Variants in ERBIN observed in about 807,000 individuals in gnomAD.
ERBIN encodes densin-180-like protein.
In ERBIN, 60 loss-of-function variants were observed where a neutral mutation model predicts 158.4. The observed-to-expected ratio is 0.38, with a 90% confidence interval of 0.31 to 0.47. The LOEUF (loss-of-function observed/expected upper bound fraction) is 0.47. ERBIN is among the 20% of genes least tolerant of loss of function. The pLI, the probability that ERBIN is intolerant of heterozygous loss-of-function variation, is 0.99. For missense variants in ERBIN, 1,610 were observed against 1,648.0 expected (o/e 0.98, Z 0.40); for synonymous variants, 594 against 557.2 (o/e 1.07, Z -0.93).
At chr5:65,942,900 TC>T (rs1207341582) in intron 1 of ERBIN, among the ~76,000 whole-genome samples, 1 of 117,440 alleles carries the variant, frequency 8.5e-6, no homozygotes, top group African/African-American at 3.7e-5. Flanking sequence ...AGAGCGAGAC[TC>T]CGTCTCCAAA....
At chr5:65,953,819 A>G (rs934309186) in intron 1 of ERBIN, among the ~76,000 whole-genome samples, 2 of 152,218 alleles carry the variant, frequency 1.3e-5, no homozygotes, top group African/African-American at 4.8e-5. Flanking sequence ...ATAAGCCAAC[A>G]CATCTCATAT....
In ERBIN at chr5:66,079,345, C is replaced by A. The variant is rs1372745719; in HGVS notation, c.*815C>A. On this transcript the variant is annotated 3_prime_UTR_variant, in exon 26 of 26. Coordinates refer to ENST00000284037, the MANE Select transcript of ERBIN (RefSeq NM_001253697.2). ...ACTCTACTGTAGATGCATGTCCATGCATTTTCTGTGTTATGGAAATCCACT... is the reference window on the plus strand; with the variant it reads ...ACTCTACTGTAGATGCATGTCCATGAATTTTCTGTGTTATGGAAATCCACT... The A allele has an allele frequency of 6.7e-6, 1 of 149,414 alleles. No individual in the cohort carries two copies. The highest frequency in any genetic ancestry group is 2.5e-5 in the African/African-American group (1 of 40,640). 9.3% of individuals were successfully genotyped at this position (149,414 alleles called of 1,614,324 possible).
intron 1 of ERBIN, among the ~76,000 whole-genome samples, chr5:65,985,148 C>T (rs1248553460): frequency 6.6e-6 from 1 of 152,204 alleles, no homozygotes; most frequent in Non-Finnish European, 1.5e-5. Context: ...GGCTGGAGTG[C>T]AGTGGCGCAA....
chr5:65,939,116 T>C (rs1020048160), intron 1 of ERBIN, among the ~76,000 whole-genome samples: 3 of 152,106 alleles, frequency 2.0e-5, no homozygotes, highest in Admixed American at 2.0e-4. Flanking sequence ...CAATCATGAA[T>C]TGAAAATAAT....
At chr5:66,062,477 A>C (rs1161879149) in intron 21 of ERBIN, among the ~76,000 whole-genome samples, 4 of 151,886 alleles carry the variant, frequency 2.6e-5, no homozygotes, top group African/African-American at 9.7e-5. Context: ...CTTCTTTGCC[A>C]TTGGTTTGAA....
At chr5:65,965,767 C>G (rs1035522255) in intron 1 of ERBIN, among the ~76,000 whole-genome samples, 1 of 152,112 alleles carries the variant, frequency 6.6e-6, no homozygotes, top group African/African-American at 2.4e-5. Context: ...CCTCTGATTC[C>G]TCTCCCCTTA....
rs926652521 is a variant in ERBIN, at chr5:66,028,118, T to A, written c.1137-156T>A. 2.6e-5 allele frequency among the ~76,000 whole-genome samples: 4 copies of A among 152,120 alleles called. No individual in the cohort carries two copies. The South Asian group carries it at 8.3e-4, about 31-fold the overall frequency. ...ACTAGATATTTTGTTTTATGTCCTA[T>A]ACGAAGAATTATATTGGACTTTTCT... On this transcript the variant is annotated intron_variant, in intron 13 of 25. Coordinates refer to ENST00000284037, the MANE Select transcript of ERBIN (RefSeq NM_001253697.2).
At chr5:65,993,243 T>C (rs1007914185) in intron 3 of ERBIN, among the ~76,000 whole-genome samples, 2 of 152,244 alleles carry the variant, frequency 1.3e-5, no homozygotes, top group African/African-American at 4.8e-5. Context: ...TGCTGTCTTT[T>C]CCTACTTTTC....
At chr5:66,039,750 T>G (rs1757754428) in intron 15 of ERBIN, among the ~76,000 whole-genome samples, 1 of 151,934 alleles carries the variant, frequency 6.6e-6, no homozygotes, top group Non-Finnish European at 1.5e-5. Context: ...ATTTGGAGAT[T>G]ATGGGTGAAT....
intron 7 of ERBIN, among the ~76,000 whole-genome samples, chr5:66,016,487 C>G (rs1754732855): frequency 6.6e-6 from 1 of 152,082 alleles, no homozygotes; most frequent in African/African-American, 2.4e-5. Flanking sequence ...AATTTACTGT[C>G]TTTACCATTT....
intron 4 of ERBIN, among the ~76,000 whole-genome samples, chr5:66,009,837 G>T (rs1293262307): frequency 6.6e-6 from 1 of 152,056 alleles, no homozygotes; most frequent in African/African-American, 2.4e-5. Context: ...AAGAATAAAT[G>T]ATACAAAGCT....
At position 66,025,949 on chromosome 5, in the gene ERBIN, A is replaced by G; in HGVS notation, c.992A>G (p.His331Arg). Residue 331 changes from histidine (H) to arginine (R), a missense_variant, in exon 12 of 26, where the codon CAT becomes CGT. His to Arg is a conservative substitution (Grantham distance 29, BLOSUM62 0). This residue lies in a region of ERBIN where 596 missense variants were observed against 711.9 expected (regional missense o/e 0.84). Coordinates refer to ENST00000284037, the MANE Select transcript of ERBIN (RefSeq NM_001253697.2). ...LTNLRTFAAD[H>R]NYLQQLPPEI... Reference sequence around the variant, plus strand: ...AACTTAAGAACTTTTGCTGCTGATCATAATTACTTACAGCAGTTGCCCCCA... The same window carrying G: ...AACTTAAGAACTTTTGCTGCTGATCGTAATTACTTACAGCAGTTGCCCCCA... 3 of 1,590,560 alleles carry G rather than the reference A, an allele frequency of 1.9e-6. No individual in the cohort carries two copies. The highest frequency in any genetic ancestry group is 2.6e-6 in the Non-Finnish European group (3 of 1,170,790).
In ERBIN at chr5:66,081,115, A is replaced by G. The variant is rs920619887; in HGVS notation, c.*2585A>G. On this transcript the variant is annotated 3_prime_UTR_variant, in exon 26 of 26. Coordinates refer to ENST00000284037, the MANE Select transcript of ERBIN (RefSeq NM_001253697.2). ...TAACTTTAGTAAGTATTATATAGCA[A>G]TTCATCAAAACCACAACTGTCTTTT... 2 of 152,018 alleles carry G rather than the reference A, an allele frequency of 1.3e-5. No homozygotes were observed. The highest frequency in any genetic ancestry group is 4.8e-5 in the African/African-American group (2 of 41,448). The allele number at this position is 152,018 out of a possible 1,614,324, so 9.4% of individuals were successfully genotyped here.
At chr5:65,969,050 G>T (rs537411337) in intron 1 of ERBIN, among the ~76,000 whole-genome samples, 1 of 152,246 alleles carries the variant, frequency 6.6e-6, no homozygotes, top group Admixed American at 6.5e-5. Context: ...ATAAGTGAAT[G>T]AGAGTTAGTA....
chr5:66,051,432 C>T (rs1188053729), intron 20 of ERBIN, among the ~76,000 whole-genome samples: 1 of 152,054 alleles, frequency 6.6e-6, no homozygotes, highest in Non-Finnish European at 1.5e-5. Context: ...TGGAATTTAG[C>T]TGAAGTCTAA....
chr5:65,957,497 T>C lies in ERBIN; in HGVS notation c.-58+30691T>C, dbSNP rs577398956. On this transcript the variant is annotated intron_variant, in intron 1 of 25. Coordinates refer to ENST00000284037, the MANE Select transcript of ERBIN (RefSeq NM_001253697.2). ...CGCCCTTAATCCATTTAACCCTGAG[T>C]AGACACAGCACGTTTCAGAGAGCAC... 2.6e-5 allele frequency among the ~76,000 whole-genome samples: 4 copies of C among 152,196 alleles called. No homozygotes were observed. In the East Asian group the frequency reaches 7.7e-4, roughly 29 times the overall value.
intron 1 of ERBIN, among the ~76,000 whole-genome samples, chr5:65,937,394 C>T (rs1744214194): frequency 6.6e-6 from 1 of 152,158 alleles, no homozygotes; most frequent in South Asian, 2.1e-4. Context: ...GTTGAATAAT[C>T]GTTTTACTTC....
chr5:65,955,030 C>T (rs994836425), intron 1 of ERBIN, among the ~76,000 whole-genome samples: 5 of 152,124 alleles, frequency 3.3e-5, no homozygotes, highest in African/African-American at 1.2e-4. Flanking sequence ...GCCCCACTTG[C>T]ACTCCAGCCT....
At chr5:65,961,706 A>T (rs1747941466) in intron 1 of ERBIN, among the ~76,000 whole-genome samples, 1 of 152,122 alleles carries the variant, frequency 6.6e-6, no homozygotes, top group South Asian at 2.1e-4. Flanking sequence ...ATGACTATTG[A>T]TGACTTTTTT....
Sources: allele counts gnomAD v4.1 joint callset (sites outside exome capture counted in the v4.1 genomes callset), GRCh38; gene constraint gnomAD v4.1.1; regional missense constraint gnomAD v4.1.1; transcripts MANE v1.5; gene names NCBI Gene and HGNC (gene_info 2026-07-23, HGNC 2026-07-21).